TTC39B: variants seen among roughly 807,000 people sequenced by gnomAD.
TTC39B encodes tetratricopeptide repeat protein 39B.
TTC39B carries 92 observed loss-of-function variants against 96.6 expected under a neutral mutation model. The ratio of observed to expected loss-of-function variants is 0.95; its 90% CI spans 0.80 to 1.13. TTC39B has a LOEUF of 1.13. TTC39B is among the 50% of genes most tolerant of loss of function. The pLI, the probability that TTC39B is intolerant of heterozygous loss-of-function variation, is 0.00. For synonymous variants in TTC39B, 367 were observed against 299.4 expected (o/e 1.23, Z -2.33); for missense variants, 955 against 809.3 (o/e 1.18, Z -2.18).
chr9:15,292,811 T>C (rs13292233), intron 1 of TTC39B, among the ~76,000 whole-genome samples: 18,458 of 152,256 alleles, frequency 0.12, 1,655 homozygotes, highest in African/African-American at 0.25. Context: ...TACAGTGTGT[T>C]TGTGTTTTAA....
At chr9:15,275,900 T>G (rs1823526352) in intron 1 of TTC39B, among the ~76,000 whole-genome samples, 1 of 152,198 alleles carries the variant, frequency 6.6e-6, no homozygotes. Flanking sequence ...CTACACACAA[T>G]GCCTTTAAGA....
intron 1 of TTC39B, among the ~76,000 whole-genome samples, chr9:15,278,504 C>G (rs1005833763): frequency 3.3e-5 from 5 of 152,208 alleles, no homozygotes; most frequent in Admixed American, 6.5e-5. Context: ...TCAAGCATAT[C>G]TATCCTCTAG....
Position 15,190,548 on chromosome 9 carries a change from T to A in TTC39B, c.1105+6A>T. On this transcript the variant is annotated splice_donor_region_variant and intron_variant, in intron 11 of 19. Coordinates refer to ENST00000512701, the Ensembl canonical transcript of TTC39B. Reference sequence around the variant, plus strand: ...GTTCAATGAAACAATCTAATCCAGATCTTACCAAGTATTAGGGAGATGTAA... The same window carrying A: ...GTTCAATGAAACAATCTAATCCAGAACTTACCAAGTATTAGGGAGATGTAA... 2 of 1,608,348 alleles carry A rather than the reference T, an allele frequency of 1.2e-6. No homozygotes were observed. The highest frequency in any genetic ancestry group is 2.2e-5 in the South Asian group (2 of 90,910).
At chr9:15,261,003 G>T (rs1822925331) in intron 2 of TTC39B, among the ~76,000 whole-genome samples, 1 of 152,148 alleles carries the variant, frequency 6.6e-6, no homozygotes, top group African/African-American at 2.4e-5. Flanking sequence ...AAAGACCACT[G>T]CTGAGAATAT....
chr9:15,261,222 T>C (rs1286750654), intron 2 of TTC39B, among the ~76,000 whole-genome samples: 2 of 152,182 alleles, frequency 1.3e-5, no homozygotes, highest in Non-Finnish European at 2.9e-5. Flanking sequence ...CTCATGTCTG[T>C]AATCCCAACA....
intron 2 of TTC39B, among the ~76,000 whole-genome samples, chr9:15,246,762 G>A (rs1210084029): frequency 6.6e-6 from 1 of 152,238 alleles, no homozygotes; most frequent in Non-Finnish European, 1.5e-5. Context: ...AATACTAACT[G>A]GCCAGCCAGG....
intron 2 of TTC39B, chr9:15,250,041 G>T: frequency 3.9e-6 from 5 of 1,284,730 alleles, no homozygotes; most frequent in African/African-American, 1.5e-5. Flanking sequence ...CAATTTTAGA[G>T]CCAACAAAAA....
At chr9:15,304,104 G>A (rs1824683141) in intron 1 of TTC39B, among the ~76,000 whole-genome samples, 1 of 151,980 alleles carries the variant, frequency 6.6e-6, no homozygotes, top group East Asian at 1.9e-4. Flanking sequence ...TTATATTTGA[G>A]GGCCAAATAT....
chr9:15,169,685 A>G (rs1016263762), exon 20 of TTC39B: 1 of 152,254 alleles, frequency 6.6e-6, no homozygotes, highest in African/African-American at 2.4e-5. Context: ...TTTTGATATT[A>G]CAGTACTAAA....
intron 8 of TTC39B, 59 bp from the exon 9 acceptor site, chr9:15,192,754 A>C: frequency 1.2e-5 from 14 of 1,202,200 alleles, no homozygotes; most frequent in Middle Eastern, 2.0e-4. Context: ...AATAAATATT[A>C]AATCAAATTT....
At chr9:15,179,436 GTTAC>G (rs540366488) in intron 17 of TTC39B, among the ~76,000 whole-genome samples, 242 of 152,256 alleles carry the variant, frequency 1.6e-3, no homozygotes, top group Non-Finnish European at 2.2e-3. Context: ...CCAGAAAGGG[GTTAC>G]TTCTTAGGTG....
chr9:15,243,413 C>A (rs1215128), intron 2 of TTC39B, among the ~76,000 whole-genome samples: 62,564 of 152,018 alleles, frequency 0.41, 13,647 homozygotes, highest in African/African-American at 0.54. Flanking sequence ...TTTTCATATA[C>A]AATACAAAGC....
At chr9:15,187,224 C>T (rs898759239) in intron 14 of TTC39B, among the ~76,000 whole-genome samples, 189 bp from the exon 15 acceptor site, 13 of 152,138 alleles carry the variant, frequency 8.5e-5, no homozygotes, top group Admixed American at 2.6e-4. Flanking sequence ...TAATTTAAAC[C>T]ATTTTCCTAT....
intron 15 of TTC39B, among the ~76,000 whole-genome samples, chr9:15,185,907 G>A (rs1041058089): frequency 6.6e-6 from 1 of 152,110 alleles, no homozygotes; most frequent in African/African-American, 2.4e-5. Context: ...AACAATTAAC[G>A]TATAATTTAA....
chr9:15,252,848 G>A (rs963604045), intron 2 of TTC39B, among the ~76,000 whole-genome samples: 2 of 152,152 alleles, frequency 1.3e-5, no homozygotes, highest in African/African-American at 4.8e-5. Context: ...ATCTAAAATT[G>A]TTCTTACAAA....
chr9:15,236,430 A>C (rs1045836480), intron 2 of TTC39B, among the ~76,000 whole-genome samples: 1 of 152,234 alleles, frequency 6.6e-6, no homozygotes, highest in Non-Finnish European at 1.5e-5. Flanking sequence ...CAGAAAATCA[A>C]CAAAGAAACT....
intron 16 of TTC39B, among the ~76,000 whole-genome samples, chr9:15,185,054 C>T (rs749552535): frequency 3.9e-5 from 6 of 152,212 alleles, no homozygotes; most frequent in East Asian, 3.9e-4. Context: ...TAAAATGATA[C>T]GTTTTTAGTA....
intron 2 of TTC39B, among the ~76,000 whole-genome samples, chr9:15,250,874 T>C (rs1302212058): frequency 6.6e-6 from 1 of 152,186 alleles, no homozygotes; most frequent in Non-Finnish European, 1.5e-5. Context: ...ACGTTTTTAG[T>C]ATAGGACTCA....
intron 2 of TTC39B, chr9:15,249,738 A>C (rs1822447744): frequency 3.1e-6 from 1 of 324,962 alleles, no homozygotes; most frequent in Non-Finnish European, 4.9e-6. Context: ...GAAGCCAAGC[A>C]GGCTTGACAT....
Sources: allele counts gnomAD v4.1 joint callset (sites outside exome capture counted in the v4.1 genomes callset), GRCh38; gene constraint gnomAD v4.1.1; transcripts MANE v1.5; gene names NCBI Gene and HGNC (gene_info 2026-07-23, HGNC 2026-07-21).